Variants in MTRR observed in about 807,000 individuals in gnomAD.
MTRR encodes 5-methyltetrahydrofolate-homocysteine methyltransferase reductase, also known as methionine synthase reductase.
A neutral mutation model predicts 79.2 loss-of-function variants in MTRR; 63 were observed. The observed-to-expected ratio is 0.80, with a 90% confidence interval of 0.65 to 0.98. The LOEUF (loss-of-function observed/expected upper bound fraction) is 0.98. MTRR is among the 50% of genes least tolerant of loss of function. The probability of loss-of-function intolerance (pLI) is 0.00; values close to 1 mark genes in which losing one functional copy is unlikely to be tolerated. For synonymous variants in MTRR, 355 were observed against 313.3 expected (o/e 1.13, Z -1.41); for missense variants, 895 against 839.6 (o/e 1.07, Z -0.82).
chr5:7,899,838 A>C (rs578231998), intron 14 of MTRR, 76 bp from the exon 15 acceptor site: 7 of 1,540,728 alleles, frequency 4.5e-6, no homozygotes, highest in East Asian at 4.5e-5. Flanking sequence ...GTCAAAAGGA[A>C]TTAGACTTGT....
upstream of MTRR, chr5:7,851,042 C>G: frequency 8.1e-7 from 1 of 1,238,280 alleles, no homozygotes; most frequent in Non-Finnish European, 1.0e-6. Context: ...TCCAGCGCCC[C>G]CGCCTTGGCC....
intron 1 of MTRR, chr5:7,859,540 CT>C: frequency 6.3e-7 from 1 of 1,575,170 alleles, no homozygotes; most frequent in Non-Finnish European, 8.7e-7. Flanking sequence ...GATAGGGGAT[CT>C]GTAAAGGTAG....
intron 14 of MTRR, among the ~76,000 whole-genome samples, chr5:7,899,306 C>T (rs716537): frequency 0.3 from 46,046 of 152,008 alleles, 7,390 homozygotes; most frequent in Middle Eastern, 0.42. Context: ...AAACAACTTA[C>T]TCCCTGGTGA....
At chr5:7,878,969 GT>G (rs551778310) in intron 5 of MTRR, among the ~76,000 whole-genome samples, 99 of 151,892 alleles carry the variant, frequency 6.5e-4, no homozygotes, top group African/African-American at 2.3e-3. Flanking sequence ...TTAATTTCTT[GT>G]TTTTTTTAAT....
chr5:7,870,002 C>G (rs1391407380), intron 1 of MTRR: 1 of 985,168 alleles, frequency 1.0e-6, no homozygotes, highest in Admixed American at 6.1e-5. Context: ...AAATCTGTCT[C>G]TGCAAATTGA....
chr5:7,899,803 C>A (rs569341561), intron 14 of MTRR, 111 bp from the exon 15 acceptor site: 1 of 1,371,030 alleles, frequency 7.3e-7, no homozygotes, highest in Non-Finnish European at 1.0e-6. Flanking sequence ...TCTGAGAAGA[C>A]GGAGGGAAGA....
intron 1 of MTRR, among the ~76,000 whole-genome samples, chr5:7,853,589 G>A (rs1026018220): frequency 3.3e-5 from 5 of 152,192 alleles, no homozygotes; most frequent in South Asian, 2.1e-4. Flanking sequence ...AAGCAGGAGA[G>A]ACACCAAGGA....
At chr5:7,881,107 A>G (rs377175456) in intron 5 of MTRR, among the ~76,000 whole-genome samples, 153 of 152,152 alleles carry the variant, frequency 1.0e-3, no homozygotes, top group African/African-American at 3.4e-3. Context: ...CTCCTTTTAC[A>G]TGCCTCCTTG....
chr5:7,899,759 G>A (rs1223281104), intron 14 of MTRR, among the ~76,000 whole-genome samples, 155 bp from the exon 15 acceptor site: 1 of 152,214 alleles, frequency 6.6e-6, no homozygotes, highest in Non-Finnish European at 1.5e-5. Context: ...CCTGGCCTGG[G>A]CATGAGTGAG....
upstream of MTRR, chr5:7,850,987 G>A: frequency 7.7e-7 from 1 of 1,292,350 alleles, no homozygotes; most frequent in South Asian, 2.8e-5. Flanking sequence ...GCCCCGCAGC[G>A]TGGACGCGGT....
At chr5:7,893,757 C>T (rs1034224731) in intron 11 of MTRR, 1 of 151,996 alleles carries the variant, frequency 6.6e-6, no homozygotes, top group Admixed American at 6.6e-5. Flanking sequence ...GTTCATAGAC[C>T]TCAATAGTGG....
intron 5 of MTRR, among the ~76,000 whole-genome samples, chr5:7,880,350 C>T (rs1735380952): frequency 6.6e-6 from 1 of 152,230 alleles, no homozygotes; most frequent in Non-Finnish European, 1.5e-5. Flanking sequence ...TGAACTGTTT[C>T]TGATCCTCTT....
intron 10 of MTRR, among the ~76,000 whole-genome samples, 165 bp downstream of exon 10, chr5:7,891,579 C>A (rs1172097202): frequency 6.6e-6 from 1 of 152,120 alleles, no homozygotes; most frequent in African/African-American, 2.4e-5. Context: ...GAGCTCCTGT[C>A]CTCTGGGACT....
At chr5:7,867,772 C>A (rs1389876253), upstream of MTRR, 2 of 1,614,222 alleles carry the variant, frequency 1.2e-6, no homozygotes, top group Admixed American at 1.7e-5. Context: ...TGCTCAGTCT[C>A]CTGTAAAACA....
At chr5:7,856,778 T>A (rs1432003808) in intron 1 of MTRR, 8 of 143,266 alleles carry the variant, frequency 5.6e-5, no homozygotes, top group East Asian at 1.9e-4. Flanking sequence ...TTATTTATTT[T>A]TTTTTTAGGA....
At chr5:7,861,692 C>A in intron 1 of MTRR, 1 of 1,586,862 alleles carries the variant, frequency 6.3e-7, no homozygotes, top group Non-Finnish European at 8.6e-7. Flanking sequence ...GTGTGATACC[C>A]TCACAAACAC....
At chr5:7,889,420 T>C (rs1737180956) in intron 9 of MTRR, 145 bp downstream of exon 9, 1 of 863,560 alleles carries the variant, frequency 1.2e-6, no homozygotes, top group Non-Finnish European at 1.8e-6. Context: ...ATGGTGGTGA[T>C]TGGTAAGTAA....
rs549372532 is a variant in MTRR, at chr5:7,900,237, G to A, written c.*179G>A. ...ACAAAACTTCCTGATTTGATTTTAC[G>A]TATCTTCTATCTACGCCCTTCCTGT... On this transcript the variant is annotated 3_prime_UTR_variant, in exon 15 of 15. Transcript: ENST00000440940. 53 of 718,250 alleles carry A rather than the reference G, an allele frequency of 7.4e-5. No individual in the cohort carries two copies. Among genetic ancestry groups the A allele is most frequent in the Admixed American group, 5.9e-5 (2 of 34,050 alleles). The allele number at this position is 718,250 out of a possible 1,614,324, so 44.5% of individuals were successfully genotyped here.
chr5:7,872,841 T>C (rs1433221462), intron 2 of MTRR, among the ~76,000 whole-genome samples: 1 of 152,206 alleles, frequency 6.6e-6, no homozygotes, highest in African/African-American at 2.4e-5. Flanking sequence ...CCTTGCTTTT[T>C]TTTACTTTCT....
Sources: allele counts gnomAD v4.1 joint callset (sites outside exome capture counted in the v4.1 genomes callset), GRCh38; gene constraint gnomAD v4.1.1; transcripts MANE v1.5; gene names NCBI Gene and HGNC (gene_info 2026-07-23, HGNC 2026-07-21).